The following ZFHX3 variants were observed in gnomAD, a reference collection of about 807,000 sequenced individuals.
ZFHX3 encodes zinc finger homeobox protein 3.
In ZFHX3, 42 loss-of-function variants were observed where a neutral mutation model predicts 279.1. The observed-to-expected ratio is 0.15, with a 90% CI of 0.12 to 0.19. The LOEUF (loss-of-function observed/expected upper bound fraction) is 0.19, where lower values mean the gene tolerates loss of function less well. ZFHX3 is among the 10% of genes least tolerant of loss of function. The pLI, the probability that ZFHX3 is intolerant of heterozygous loss-of-function variation, is 1.00. For missense variants in ZFHX3, 4,981 were observed against 4,754.0 expected, an observed-to-expected ratio of 1.05 and a Z score of -1.40; for synonymous variants, 2,293 against 1,957.8, an observed-to-expected ratio of 1.17 and a Z score of -4.52.
chr16:73,332,858 T>C (rs1039627016), intron 3 of ZFHX3, among the ~76,000 whole-genome samples: 9 of 152,202 alleles, frequency 5.9e-5, no homozygotes, highest in Non-Finnish European at 4.4e-5. Flanking sequence ...AACTGAGACA[T>C]AGTGAAGACT....
rs539322617 is a variant in ZFHX3, at chr16:72,959,540, T to C, written c.606A>G (p.Ser202=). Residue 202 remains serine (S), a synonymous_variant, in exon 2 of 10, where the codon TCA becomes TCG. Transcript: ENST00000268489. ...GGCCCTCAAACCATTTCCCGAAGGA[T>C]GAGGCTATGTGGAAAGTGTTGATGA... The part of the protein sequence containing the change: ...PQIINTFHIA[S]SFGKWFEGPD... The C allele has an allele frequency of 5.0e-6, 8 of 1,614,054 alleles. No homozygotes were observed. Among genetic ancestry groups the C allele is most frequent in the Non-Finnish European group, 6.8e-6 (8 of 1,180,026 alleles).
chr16:72,850,096 A>G (rs1375243173), intron 4 of ZFHX3, among the ~76,000 whole-genome samples: 1 of 152,190 alleles, frequency 6.6e-6, no homozygotes, highest in Non-Finnish European at 1.5e-5. Flanking sequence ...TTCAGGCCCC[A>G]GACTGGACTA....
chr16:73,440,836 T>C (rs1042321975), intron 3 of ZFHX3, among the ~76,000 whole-genome samples: 5 of 152,226 alleles, frequency 3.3e-5, no homozygotes, highest in Non-Finnish European at 5.9e-5. Context: ...TCTGTTTTCC[T>C]ATCATCTGCC....
intron 2 of ZFHX3, among the ~76,000 whole-genome samples, chr16:73,633,011 G>A (rs189416443): frequency 5.6e-4 from 85 of 152,302 alleles, no homozygotes; most frequent in Admixed American, 9.1e-4. Context: ...CCCTGGAGGA[G>A]GAGCTTGCAG....
intron 3 of ZFHX3, among the ~76,000 whole-genome samples, chr16:73,355,229 C>T (rs766174192): frequency 2.8e-4 from 42 of 152,216 alleles, no homozygotes; most frequent in Non-Finnish European, 5.4e-4. Context: ...TTGTAGGACA[C>T]ACTCTTTTCT....
At position 72,878,653 on chromosome 16, in the gene ZFHX3, G is replaced by A. The variant is rs555257996; in HGVS notation, c.3448+11078C>T. ...AGAGAATCCAGCAATGGATCACACT[G>A]TTATCTAGACACAAAGAATCCCACC... On this transcript the variant is annotated intron_variant, in intron 4 of 9. Transcript: ENST00000268489. Among the ~76,000 whole-genome samples the A allele has an allele frequency of 3.3e-5, 5 of 152,338 alleles. No individual in the cohort carries two copies. In the East Asian group the frequency reaches 9.6e-4, roughly 29 times the overall value.
chr16:73,789,462 G>A (rs568933646), intron 1 of ZFHX3, among the ~76,000 whole-genome samples: 2 of 152,238 alleles, frequency 1.3e-5, no homozygotes, highest in African/African-American at 4.8e-5. Flanking sequence ...TTACAGGCGT[G>A]AGCCACCGTG....
chr16:73,324,211 G>A (rs189776688), intron 3 of ZFHX3, among the ~76,000 whole-genome samples: 1 of 152,146 alleles, frequency 6.6e-6, no homozygotes, highest in Non-Finnish European at 1.5e-5. Context: ...AAATTCACCT[G>A]GGATTTGTCT....
chr16:73,665,894 C>CA (rs905034913), intron 2 of ZFHX3, among the ~76,000 whole-genome samples: 1 of 145,276 alleles, frequency 6.9e-6, no homozygotes, highest in African/African-American at 2.6e-5. Context: ...AGGCTCACTG[C>CA]AAGGTCTGCC....
At chr16:73,821,650 G>C (rs1960743118) in intron 1 of ZFHX3, among the ~76,000 whole-genome samples, 1 of 152,234 alleles carries the variant, frequency 6.6e-6, no homozygotes, top group Admixed American at 6.5e-5. Context: ...GCCCTGAATA[G>C]TCTGAGGTAT....
At chr16:73,832,895 T>C (rs1961035790) in intron 1 of ZFHX3, among the ~76,000 whole-genome samples, 1 of 152,196 alleles carries the variant, frequency 6.6e-6, no homozygotes, top group African/African-American at 2.4e-5. Context: ...GTGTCAGAAA[T>C]TTGGGGAGGA....
Position 72,797,682 on chromosome 16 carries a change from T to A in ZFHX3, c.5000A>T (p.Asn1667Ile), listed in dbSNP as rs758333424. 1 of 1,613,926 alleles carries A rather than the reference T, an allele frequency of 6.2e-7. No homozygotes were observed. The highest frequency in any genetic ancestry group is 1.3e-5 in the African/African-American group (1 of 74,886). The change falls in exon 9 of 10, where the codon AAT (asparagine) becomes ATT (isoleucine). Residue 1667 changes from asparagine (N) to isoleucine (I), a missense_variant. By Grantham distance (149) the Asn-to-Ile change is moderately radical. This residue lies in a region of ZFHX3 where 1,751 missense variants were observed against 1,770.0 expected (regional missense o/e 0.99). Transcript: ENST00000268489. ...TSGSNTFTTS[N>I]PSSAGIAPSS... ...TGGAGCAATGCCAGCACTGCTTGGA[T>A]TGGAGGTGGTAAAGGTGTTACTGCC...
intron 1 of ZFHX3, among the ~76,000 whole-genome samples, chr16:73,702,844 C>T (rs1011451233): frequency 1.3e-5 from 2 of 152,046 alleles, no homozygotes; most frequent in East Asian, 1.9e-4. Context: ...TCCACTGTGC[C>T]GAACTGTATG....
At chr16:73,713,259 T>C (rs2053381864) in intron 1 of ZFHX3, among the ~76,000 whole-genome samples, 1 of 152,168 alleles carries the variant, frequency 6.6e-6, no homozygotes, top group South Asian at 2.1e-4. Flanking sequence ...TGCATTCCCG[T>C]CCCACTCAAA....
intron 1 of ZFHX3, among the ~76,000 whole-genome samples, chr16:73,802,457 G>C (rs1206566472): frequency 6.6e-6 from 1 of 152,186 alleles, no homozygotes; most frequent in Non-Finnish European, 1.5e-5. Context: ...TCATTTTGTG[G>C]TTGAAAGAAT....
chr16:73,041,856 T>C (rs1965129965), intron 1 of ZFHX3, among the ~76,000 whole-genome samples: 1 of 152,184 alleles, frequency 6.6e-6, no homozygotes, highest in South Asian at 2.1e-4. Flanking sequence ...AAAGAGCATT[T>C]TAGGAAGCAG....
At chr16:73,135,838 G>T (rs1033973226) in intron 6 of ZFHX3, among the ~76,000 whole-genome samples, 1 of 151,644 alleles carries the variant, frequency 6.6e-6, no homozygotes, top group Non-Finnish European at 1.5e-5. Flanking sequence ...CCTTATACTA[G>T]GCTCACTTCA....
chr16:73,303,312 G>T (rs1046963628), intron 4 of ZFHX3, among the ~76,000 whole-genome samples: 1 of 152,166 alleles, frequency 6.6e-6, no homozygotes, highest in African/African-American at 2.4e-5. Context: ...ACAGGTATGA[G>T]CCATTATGTT....
At chr16:73,165,676 C>G (rs1967347980) in intron 5 of ZFHX3, among the ~76,000 whole-genome samples, 1 of 152,176 alleles carries the variant, frequency 6.6e-6, no homozygotes, top group African/African-American at 2.4e-5. Flanking sequence ...TACCCCTCCC[C>G]ACCAAAGCAA....
Sources: allele counts gnomAD v4.1 joint callset (sites outside exome capture counted in the v4.1 genomes callset), GRCh38; gene constraint gnomAD v4.1.1; regional missense constraint gnomAD v4.1.1; transcripts MANE v1.5; gene names NCBI Gene and HGNC (gene_info 2026-07-23, HGNC 2026-07-21).